FITM1: variants seen among roughly 807,000 people sequenced by gnomAD.
FITM1 encodes fat storage-inducing transmembrane protein 1.
A neutral mutation model predicts 22.2 loss-of-function variants in FITM1; 11 were observed. The ratio of observed to expected loss-of-function variants is 0.50; its 90% CI spans 0.31 to 0.82. The LOEUF (loss-of-function observed/expected upper bound fraction) is 0.82, where lower values mean the gene tolerates loss of function less well. Ranked by LOEUF, FITM1 falls within the 40% of genes least tolerant of loss-of-function variation. The pLI is 0.04. For synonymous variants in FITM1, 164 were observed against 174.0 expected (o/e 0.94, Z 0.45); for missense variants, 394 against 386.4 (o/e 1.02, Z -0.17).
rs2037819491 is a variant in FITM1, at chr14:24,131,335, G to A, written c.-229G>A. 3 of 676,492 alleles carry A rather than the reference G, an allele frequency of 4.4e-6. No individual in the cohort carries two copies. Among genetic ancestry groups the A allele is most frequent in the South Asian group, 3.2e-5 (2 of 62,416 alleles). The allele number at this position is 676,492 out of a possible 1,614,324, so 41.9% of individuals were successfully genotyped here. ...CTAACAGGAAAGGACACAGACTGCTGTCAGGACACATACTACCACACACCC... is the reference window on the plus strand; with the variant it reads ...CTAACAGGAAAGGACACAGACTGCTATCAGGACACATACTACCACACACCC... On this transcript the variant is annotated 5_prime_UTR_variant, in exon 1 of 2. Coordinates refer to ENST00000267426, the MANE Select transcript of FITM1 (RefSeq NM_203402.3).
At chr14:24,131,917 G>T (rs1387488891) in intron 1 of FITM1, 88 bp downstream of exon 1, 1 of 1,491,790 alleles carries the variant, frequency 6.7e-7, no homozygotes, top group South Asian at 1.4e-5. Flanking sequence ...CTGCCAGTCT[G>T]AACACTAAAA....
chr14:24,132,515 A>G lies in FITM1; in HGVS notation c.571A>G (p.Thr191Ala), dbSNP rs751961037. 1 of 1,603,812 alleles carries G rather than the reference A, an allele frequency of 6.2e-7. No homozygotes were observed. The highest frequency in any genetic ancestry group is 1.3e-5 in the African/African-American group (1 of 74,994). The change falls in exon 2 of 2, where the codon ACC becomes GCC. Residue 191 changes from threonine to alanine, a missense_variant. Thr to Ala is a moderately conservative substitution (Grantham distance 58). Coordinates refer to ENST00000267426, the MANE Select transcript of FITM1 (RefSeq NM_203402.3). ...CGTCTCCTCCCACACCTTCCTGCTCACCTTTTGCTGCCTGCTCATGGCAGA... is the reference window on the plus strand; with the variant it reads ...CGTCTCCTCCCACACCTTCCTGCTCGCCTTTTGCTGCCTGCTCATGGCAGA... ...YTVSSHTFLL[T>A]FCCLLMAEEA... is the part of the protein sequence containing the mutation.
rs776293275 is a variant in FITM1 at position 24,132,417 on chromosome 14, A to G, written c.473A>G (p.Gln158Arg). 3 of 1,609,870 alleles carry G rather than the reference A, an allele frequency of 1.9e-6. No homozygotes were observed. In the African/African-American group the frequency reaches 4.0e-5, roughly 21 times the overall value. ...GGCTCCTGCTTCGAGCCACTGCCCCAGGGTCTGCTGCTCCACGAGCTGCCT... is the reference window on the plus strand; with the variant it reads ...GGCTCCTGCTTCGAGCCACTGCCCCGGGGTCTGCTGCTCCACGAGCTGCCT... The part of the protein sequence containing the change: ...LTGSCFEPLP[Q>R]GLLLHELPDR... The change falls in exon 2 of 2, where the codon CAG becomes CGG. Residue 158 changes from glutamine (Q) to arginine (R), a missense_variant. Coordinates refer to ENST00000267426, the MANE Select transcript of FITM1 (RefSeq NM_203402.3).
In FITM1 at chr14:24,132,771, G is replaced by C; in HGVS notation, c.827G>C (p.Ser276Thr). The C allele has an allele frequency of 6.2e-7, 1 of 1,613,146 alleles. No homozygotes were observed. The highest frequency in any genetic ancestry group is 8.5e-7 in the Non-Finnish European group (1 of 1,179,842). Residue 276 changes from serine to threonine, a missense_variant, in exon 2 of 2, where the codon AGC becomes ACC. Coordinates refer to ENST00000267426, the MANE Select transcript of FITM1 (RefSeq NM_203402.3). ...SWYHQPWSPG[S>T]PGHGLFPRPH... is the part of the protein sequence containing the mutation. ...TATCATCAGCCCTGGTCTCCAGGGA[G>C]CCCAGGCCATGGGCTCTTCCCCCGT...
rs917491823 is a variant in FITM1 at position 24,132,614 on chromosome 14, C to G, written c.670C>G (p.Leu224Val). 6.2e-7 allele frequency: 1 copy of G among 1,612,390 alleles called. No homozygotes were observed. Among genetic ancestry groups the G allele is most frequent in the Non-Finnish European group, 8.5e-7 (1 of 1,180,046 alleles). The change falls in exon 2 of 2, where the codon CTG becomes GTG. Residue 224 changes from leucine to valine, a missense_variant. Transcript: ENST00000267426. ...AGAPLRLVFL[L>V]NVLLLGLWNF... Reference sequence around the variant, plus strand: ...CGCCCCACTGCGCCTTGTCTTCCTGCTGAACGTGCTGCTGCTGGGCCTCTG... The same window carrying G: ...CGCCCCACTGCGCCTTGTCTTCCTGGTGAACGTGCTGCTGCTGGGCCTCTG...
At position 24,132,529 on chromosome 14, in the gene FITM1, G is replaced by T. The variant is rs767753798; in HGVS notation, c.585G>T (p.Leu195=). 15 of 1,604,328 alleles carry T rather than the reference G, an allele frequency of 9.3e-6. No individual in the cohort carries two copies. The highest frequency in any genetic ancestry group is 1.3e-5 in the Non-Finnish European group (15 of 1,180,000). The change falls in exon 2 of 2, where the codon CTG becomes CTT. Residue 195 remains leucine (L), a synonymous_variant. Transcript: ENST00000267426. ...SHTFLLTFCC[L]LMAEEAAVFA... is the part of the protein sequence containing the mutation. ...CCTTCCTGCTCACCTTTTGCTGCCT[G>T]CTCATGGCAGAGGAAGCAGCTGTGT... is the stretch of plus-strand genomic sequence containing the variant.
At position 24,131,141 on chromosome 14, in the gene FITM1, C is replaced by G. The variant is rs1035754476; in HGVS notation, c.-423C>G. 2.8e-5 allele frequency: 15 copies of G among 527,292 alleles called. No homozygotes were observed. Among genetic ancestry groups the G allele is most frequent in the Non-Finnish European group, 3.3e-5 (10 of 298,920 alleles). 32.7% of individuals were successfully genotyped at this position (527,292 alleles called of 1,614,324 possible). On this transcript the variant is annotated 5_prime_UTR_variant, in exon 1 of 2. Coordinates refer to ENST00000267426, the MANE Select transcript of FITM1 (RefSeq NM_203402.3). ...ACTGGCAGCTTTTTTTAAAAAACGA[C>G]TTTCAAGGTTTGGTTATTTTTATCT...
In FITM1 at chr14:24,132,711, G is replaced by C; in HGVS notation, c.767G>C (p.Gly256Ala). 1 of 1,613,816 alleles carries C rather than the reference G, an allele frequency of 6.2e-7. No individual in the cohort carries two copies. The highest frequency in any genetic ancestry group is 8.5e-7 in the Non-Finnish European group (1 of 1,179,976). ...CACAAGGTGGTGGGCGCCGCAGTGG[G>C]CACCTTTGCCTGGTACCTCACCTAT... Reference protein sequence around the residue: ...YTHKVVGAAVGTFAWYLTYGS... With the variant: ...YTHKVVGAAVATFAWYLTYGS... The change falls in exon 2 of 2, where the codon GGC becomes GCC. Residue 256 changes from glycine to alanine, a missense_variant. Transcript: ENST00000267426.
In FITM1 at chr14:24,131,503, C is replaced by G. The variant is rs764278203; in HGVS notation, c.-61C>G. ...ACTGCCTATCCTTGTCCAGGGGGGG[C>G]CCCATCAGCCCCTCCTCAGCTGCCC... On this transcript the variant is annotated 5_prime_UTR_variant, in exon 1 of 2. Transcript: ENST00000267426. The G allele has an allele frequency of 1.7e-3, 2,557 of 1,493,666 alleles. 2 individuals carry two copies. Among genetic ancestry groups the G allele is most frequent in the Non-Finnish European group, 2.2e-3 (2,384 of 1,102,710 alleles). The allele number at this position is 1,493,666 out of a possible 1,614,324, so 92.5% of individuals were successfully genotyped here.
In FITM1 at chr14:24,132,258, G is replaced by A; in HGVS notation, c.314G>A (p.Gly105Asp). 1 of 1,613,414 alleles carries A rather than the reference G, an allele frequency of 6.2e-7. No individual in the cohort carries two copies. The highest frequency in any genetic ancestry group is 8.5e-7 in the Non-Finnish European group (1 of 1,179,742). Residue 105 changes from glycine to aspartate, a missense_variant, in exon 2 of 2, where the codon GGC becomes GAC. Transcript: ENST00000267426. Reference protein sequence around the residue: ...AWGWTCTFLGGFVLLVVFLAT... With the variant: ...AWGWTCTFLGDFVLLVVFLAT... The stretch of plus-strand genomic sequence containing the variant: ...GGCTGGACATGCACTTTCTTAGGGG[G>A]CTTTGTGTTGCTGGTGGTGTTCCTG...
chr14:24,132,465 CCGGCCACCAGTGGCG>C lies in FITM1; in HGVS notation c.522_536del (p.His176_Gly180del). On this transcript the variant is annotated inframe_deletion, in exon 2 of 2. Coordinates refer to ENST00000267426, the MANE Select transcript of FITM1 (RefSeq NM_203402.3). ...CCTGACCGCCGCAGCTGCCTGGCAGCCGGCCACCAGTGGCGAGGCTACACCGTCTCCTCCCACACC... is the reference window on the plus strand; with the variant it reads ...CCTGACCGCCGCAGCTGCCTGGCAGCAGGCTACACCGTCTCCTCCCACACC... 1.9e-6 allele frequency: 3 copies of C among 1,605,314 alleles called. No individual in the cohort carries two copies. Among genetic ancestry groups the C allele is most frequent in the Non-Finnish European group, 2.5e-6 (3 of 1,179,962 alleles).
In FITM1 at chr14:24,131,747, G is replaced by A. The variant is rs149742779; in HGVS notation, c.184G>A (p.Ala62Thr). 142 of 1,613,972 alleles carry A rather than the reference G, an allele frequency of 8.8e-5. No individual in the cohort carries two copies. The highest frequency in any genetic ancestry group is 1.2e-4 in the Non-Finnish European group (138 of 1,180,026). Residue 62 changes from alanine (A) to threonine (T), a missense_variant, in exon 1 of 2, where the codon GCA becomes ACA. By Grantham distance (58) the Ala-to-Thr change is moderately conservative. Transcript: ENST00000267426. ...LRRLYHAWLA[A>T]VVIFGPLLQF... The stretch of plus-strand genomic sequence containing the variant: ...GCGCCTCTACCATGCCTGGCTGGCA[G>A]CAGTGGTCATCTTTGGGCCGCTTCT...
rs1415501658 is a variant in FITM1, at chr14:24,132,615, T to A, written c.671T>A (p.Leu224Gln). 5 of 1,612,662 alleles carry A rather than the reference T, an allele frequency of 3.1e-6. No individual in the cohort carries two copies. The change falls in exon 2 of 2, where the codon CTG (leucine) becomes CAG (glutamine). Residue 224 changes from leucine (L) to glutamine (Q), a missense_variant. Physicochemically the swap from Leu to Gln is moderately radical, Grantham distance 113. Coordinates refer to ENST00000267426, the MANE Select transcript of FITM1 (RefSeq NM_203402.3). The stretch of plus-strand genomic sequence containing the variant: ...GCCCCACTGCGCCTTGTCTTCCTGC[T>A]GAACGTGCTGCTGCTGGGCCTCTGG... ...AGAPLRLVFL[L>Q]NVLLLGLWNF...
Position 24,131,885 on chromosome 14 carries a change from C to G in FITM1, c.266+56C>G, listed in dbSNP as rs2037825255. ...TCCCTGCACTCTGGGATCCTAGCTC[C>G]CTTCTCCAGGCTTCTGTCCTCCTGC... is the stretch of plus-strand genomic sequence containing the variant. On this transcript the variant is annotated intron_variant, in intron 1 of 1. Transcript: ENST00000267426. 3.3e-6 allele frequency: 5 copies of G among 1,518,616 alleles called. No homozygotes were observed. In the East Asian group the frequency reaches 1.1e-4, roughly 34 times the overall value. The allele number at this position is 1,518,616 out of a possible 1,614,324, so 94.1% of individuals were successfully genotyped here.
In FITM1 at chr14:24,132,453, G is replaced by A. The variant is rs1009374576; in HGVS notation, c.509G>A (p.Ser170Asn). 8.1e-6 allele frequency: 13 copies of A among 1,606,012 alleles called. No homozygotes were observed. The highest frequency in any genetic ancestry group is 1.1e-5 in the Non-Finnish European group (13 of 1,179,842). ...LLLHELPDRR[S>N]CLAAGHQWRG... ...CTCCACGAGCTGCCTGACCGCCGCAGCTGCCTGGCAGCCGGCCACCAGTGG... is the reference window on the plus strand; with the variant it reads ...CTCCACGAGCTGCCTGACCGCCGCAACTGCCTGGCAGCCGGCCACCAGTGG... The change falls in exon 2 of 2, where the codon AGC becomes AAC. Residue 170 changes from serine to asparagine, a missense_variant. Transcript: ENST00000267426.
In FITM1 at chr14:24,131,217, G is replaced by A. The variant is rs866259882; in HGVS notation, c.-347G>A. 1.2e-4 allele frequency: 70 copies of A among 561,674 alleles called. No individual in the cohort carries two copies. Among genetic ancestry groups the A allele is most frequent in the Middle Eastern group, 7.9e-4 (3 of 3,788 alleles). 34.8% of individuals were successfully genotyped at this position (561,674 alleles called of 1,614,324 possible). ...GCAAATGGTAAAGTAGGGGTGGGTG[G>A]AGAGGGACTTTGGCAGACTATGGAC... On this transcript the variant is annotated 5_prime_UTR_variant, in exon 1 of 2. Coordinates refer to ENST00000267426, the MANE Select transcript of FITM1 (RefSeq NM_203402.3).
At position 24,132,346 on chromosome 14, in the gene FITM1, G is replaced by C. The variant is rs754459594; in HGVS notation, c.402G>C (p.Val134=). 5 of 1,613,938 alleles carry C rather than the reference G, an allele frequency of 3.1e-6. No individual in the cohort carries two copies. The African/African-American group carries it at 6.7e-5, about 22-fold the overall frequency. Residue 134 remains valine (V), a synonymous_variant, in exon 2 of 2, where the codon GTG becomes GTC. Transcript: ENST00000267426. ...GCCGACTGGTAGTAGGGGCAGCCGT[G>C]TGGCGGGGAGCCGGCCGGGCCTTCC... ...HLSRLVVGAA[V]WRGAGRAFLL... is the part of the protein sequence containing the mutation.
chr14:24,131,932 G>A, intron 1 of FITM1, 103 bp downstream of exon 1: 5 of 1,467,810 alleles, frequency 3.4e-6, no homozygotes, highest in Non-Finnish European at 4.5e-6. Flanking sequence ...CTAAAAATAG[G>A]CTAGGAGGTT....
chr14:24,132,482 G>A lies in FITM1; in HGVS notation c.538G>A (p.Gly180Ser), dbSNP rs768427322. The A allele has an allele frequency of 6.9e-6, 11 of 1,604,166 alleles. No individual in the cohort carries two copies. The highest frequency in any genetic ancestry group is 9.3e-6 in the Non-Finnish European group (11 of 1,179,990). ...CCTGGCAGCCGGCCACCAGTGGCGA[G>A]GCTACACCGTCTCCTCCCACACCTT... ...SCLAAGHQWRGYTVSSHTFLL... is the reference protein window; with the variant it reads ...SCLAAGHQWRSYTVSSHTFLL... Residue 180 changes from glycine (G) to serine (S), a missense_variant, in exon 2 of 2, where the codon GGC (glycine) becomes AGC (serine). By Grantham distance (56) the Gly-to-Ser change is moderately conservative. Transcript: ENST00000267426.
Sources: gnomAD v4.1 joint callset for allele counts on GRCh38, gnomAD v4.1.1 for gene constraint, MANE v1.5 for transcripts, NCBI Gene and HGNC (gene_info 2026-07-23, HGNC 2026-07-21) for gene names.